Variants in HIP1 observed in about 807,000 individuals in gnomAD.
The protein encoded by HIP1 is huntingtin interacting protein 1.
HIP1 carries 65 observed loss-of-function variants against 147.6 expected under a neutral mutation model. The observed-to-expected ratio is 0.44, with a 90% CI of 0.36 to 0.54. HIP1 has a LOEUF of 0.54. Among genes scored for constraint, HIP1 ranks in the 20% least tolerant of loss-of-function variants. The pLI is 0.00. For missense variants in HIP1, 1,061 were observed against 1,299.6 expected, an observed-to-expected ratio of 0.82 and a Z score of 2.82; for synonymous variants, 479 against 504.0, an observed-to-expected ratio of 0.95 and a Z score of 0.67.
chr7:75,614,478 T>C (rs1393673039), intron 1 of HIP1, among the ~76,000 whole-genome samples: 1 of 151,728 alleles, frequency 6.6e-6, no homozygotes, highest in Non-Finnish European at 1.5e-5. Context: ...TGGGACACAA[T>C]GTGTGATTCT....
rs1416497325 is a variant in HIP1 at position 75,706,483 on chromosome 7, AT to A, written c.120+32317del. 1.6e-3 allele frequency among the ~76,000 whole-genome samples: 126 copies of A among 79,854 alleles called. 1 individual carries two copies. In the Middle Eastern group the frequency reaches 0.019, roughly 12 times the overall value. 52.4% of individuals were successfully genotyped at this position (79,854 alleles called of 152,430 possible). On this transcript the variant is annotated intron_variant, in intron 1 of 30. Coordinates refer to ENST00000336926, the MANE Select transcript of HIP1 (RefSeq NM_005338.7). ...ATTTGTATATATCTTCTTTTTTTTTATTTTTTTTTTATTTTTTTATTTTTTA... is the reference window on the plus strand; with the variant it reads ...ATTTGTATATATCTTCTTTTTTTTTATTTTTTTTTATTTTTTTATTTTTTA...
At chr7:75,692,610 A>G (rs1554518288) in intron 1 of HIP1, among the ~76,000 whole-genome samples, 1 of 137,138 alleles carries the variant, frequency 7.3e-6, no homozygotes, top group South Asian at 2.3e-4. Flanking sequence ...TTGTATTTTT[A>G]GTAGAGATGA....
chr7:75,684,447 CA>C (rs59055803), intron 1 of HIP1, among the ~76,000 whole-genome samples: 4,857 of 43,922 alleles, frequency 0.11, 100 homozygotes, highest in Admixed American at 0.2. Context: ...GACTCCGTCT[CA>C]AAAAAAAAAA....
At chr7:75,653,882 T>C (rs1799069138) in intron 1 of HIP1, among the ~76,000 whole-genome samples, 1 of 152,154 alleles carries the variant, frequency 6.6e-6, no homozygotes, top group Middle Eastern at 3.2e-3. Context: ...CAGTTAGTAC[T>C]TGCTGAATGT....
In HIP1 at chr7:75,595,215, T is replaced by C. The variant is rs1394510926; in HGVS notation, c.185-2701A>G. Reference sequence around the variant, plus strand: ...TTCTTTCTTTCTTTCTTTCTTTCTTTCTTTCTTTCTTTCTTTCTTTCTTTC... The same window carrying C: ...TTCTTTCTTTCTTTCTTTCTTTCTTCCTTTCTTTCTTTCTTTCTTTCTTTC... On this transcript the variant is annotated intron_variant, in intron 2 of 30. Coordinates refer to ENST00000336926, the MANE Select transcript of HIP1 (RefSeq NM_005338.7). Among the ~76,000 whole-genome samples, 4 of 84,364 alleles carry C rather than the reference T, an allele frequency of 4.7e-5. No individual in the cohort carries two copies. In the South Asian group the frequency reaches 1.8e-3, roughly 38 times the overall value. 55.3% of individuals were successfully genotyped at this position (84,364 alleles called of 152,430 possible).
At chr7:75,561,761 G>A (rs889439261) in intron 12 of HIP1, among the ~76,000 whole-genome samples, 6 of 152,018 alleles carry the variant, frequency 3.9e-5, no homozygotes, top group Non-Finnish European at 8.8e-5. Flanking sequence ...TCCCACTTCA[G>A]CCTCCTGAGT....
intron 1 of HIP1, among the ~76,000 whole-genome samples, chr7:75,725,142 G>A (rs1327255846): frequency 6.6e-6 from 1 of 151,986 alleles, no homozygotes; most frequent in Non-Finnish European, 1.5e-5. Context: ...TCCCACCTCA[G>A]CCTTCCTAGT....
intron 23 of HIP1, 144 bp downstream of exon 23, chr7:75,548,747 A>C: frequency 1.4e-6 from 1 of 697,566 alleles, no homozygotes; most frequent in Admixed American, 2.0e-5. Flanking sequence ...TACAGGCATG[A>C]GCCACTGTGC....
At chr7:75,664,231 G>A (rs111211694) in intron 1 of HIP1, among the ~76,000 whole-genome samples, 6 of 119,996 alleles carry the variant, frequency 5.0e-5, no homozygotes, top group African/African-American at 1.0e-4. Flanking sequence ...TATTGTGTGT[G>A]TATACATACA....
At chr7:75,546,669 G>C (rs1209992596) in intron 25 of HIP1, among the ~76,000 whole-genome samples, 2 of 152,188 alleles carry the variant, frequency 1.3e-5, no homozygotes, top group Non-Finnish European at 2.9e-5. Context: ...AGAGTACCCA[G>C]GTTTGCAATG....
At chr7:75,570,289 C>T (rs1432656797) in intron 8 of HIP1, among the ~76,000 whole-genome samples, 1 of 147,452 alleles carries the variant, frequency 6.8e-6, no homozygotes, top group Admixed American at 6.9e-5. Context: ...AGTTGTGACA[C>T]GTTTCTTTTT....
intron 1 of HIP1, among the ~76,000 whole-genome samples, chr7:75,701,224 T>A (rs1325288384): frequency 1.3e-5 from 2 of 152,004 alleles, no homozygotes; most frequent in Admixed American, 1.3e-4. Flanking sequence ...TGAAACCCTG[T>A]CTCTACCAAA....
chr7:75,599,257 A>G lies in HIP1; in HGVS notation c.121-10T>C. 4 of 1,606,848 alleles carry G rather than the reference A, an allele frequency of 2.5e-6. No homozygotes were observed. The South Asian group carries it at 4.4e-5, about 18-fold the overall frequency. Reference sequence around the variant, plus strand: ...TATTGATGCTGACAGTCTGAAAAACAAGAAGGGGGGAGGGAAAGGAGGATG... The same window carrying G: ...TATTGATGCTGACAGTCTGAAAAACGAGAAGGGGGGAGGGAAAGGAGGATG... On this transcript the variant is annotated splice_polypyrimidine_tract_variant and intron_variant, in intron 1 of 30. Coordinates refer to ENST00000336926, the MANE Select transcript of HIP1 (RefSeq NM_005338.7).
Position 75,536,293 on chromosome 7 carries a change from GGA to G in HIP1, c.*1877_*1878del, listed in dbSNP as rs1289394302. On this transcript the variant is annotated 3_prime_UTR_variant, in exon 31 of 31. Coordinates refer to ENST00000336926, the MANE Select transcript of HIP1 (RefSeq NM_005338.7). Reference sequence around the variant, plus strand: ...CTGAGTATGGTCATCCGAGGTCCTGGGAGAGAGTTTTTTGAATGTCCCACTTA... The same window carrying G: ...CTGAGTATGGTCATCCGAGGTCCTGGGAGAGTTTTTTGAATGTCCCACTTA... 3 of 183,500 alleles carry G rather than the reference GGA, an allele frequency of 1.6e-5. No individual in the cohort carries two copies. Among genetic ancestry groups the G allele is most frequent in the African/African-American group, 7.3e-5 (3 of 41,004 alleles). 11.4% of individuals were successfully genotyped at this position (183,500 alleles called of 1,614,324 possible).
rs587709970 is a variant in HIP1 at position 75,562,720 on chromosome 7, A to G, written c.1020+215T>C. Among the ~76,000 whole-genome samples the G allele has an allele frequency of 8.5e-5, 13 of 152,292 alleles. No individual in the cohort carries two copies. In the East Asian group the frequency reaches 2.5e-3, roughly 29 times the overall value. Reference sequence around the variant, plus strand: ...AGCAGTCTTCCCACCTTGGCCTTGCAAAGTGTTGGGATTACAGCTGTGAGC... The same window carrying G: ...AGCAGTCTTCCCACCTTGGCCTTGCGAAGTGTTGGGATTACAGCTGTGAGC... On this transcript the variant is annotated intron_variant, in intron 11 of 30. Transcript: ENST00000336926.
At chr7:75,611,663 C>T (rs1554504995) in intron 1 of HIP1, 5 of 1,022,510 alleles carry the variant, frequency 4.9e-6, no homozygotes, top group African/African-American at 3.4e-5. Flanking sequence ...CTGGGTGTCT[C>T]ACCTCTGGAG....
chr7:75,724,145 C>CG (rs1563314346), intron 1 of HIP1, among the ~76,000 whole-genome samples: 1 of 151,854 alleles, frequency 6.6e-6, no homozygotes, highest in African/African-American at 2.4e-5. Flanking sequence ...TTAGTAGAGA[C>CG]GGGGTTTCAC....
At chr7:75,586,730 C>T (rs1584838657) in intron 5 of HIP1, 23 bp downstream of exon 5, 6 of 1,529,602 alleles carry the variant, frequency 3.9e-6, no homozygotes, top group Non-Finnish European at 4.5e-6. Flanking sequence ...GCGGTGGCGG[C>T]AGAACTGTCC....
At chr7:75,669,265 C>T (rs1157727958) in intron 1 of HIP1, among the ~76,000 whole-genome samples, 5 of 152,066 alleles carry the variant, frequency 3.3e-5, no homozygotes, top group East Asian at 1.9e-4. Flanking sequence ...CCCAGCTACT[C>T]GGGAGGCTGA....
Sources: allele counts gnomAD v4.1 joint callset (sites outside exome capture counted in the v4.1 genomes callset), GRCh38; gene constraint gnomAD v4.1.1; transcripts MANE v1.5; gene names NCBI Gene and HGNC (gene_info 2026-07-23, HGNC 2026-07-21).